Variants in CNNM2 observed in about 807,000 individuals in gnomAD.
CNNM2 encodes the protein metal transporter CNNM2.
Under a neutral mutation model 66.9 loss-of-function variants are expected in CNNM2, and 12 were observed. That is an observed-to-expected ratio of 0.18 (90% CI 0.11 to 0.29). CNNM2 has a LOEUF of 0.29. CNNM2 is among the 10% of genes least tolerant of loss of function. CNNM2 has a pLI of 1.00. For synonymous variants in CNNM2, 557 were observed against 501.8 expected, an observed-to-expected ratio of 1.11 and a Z score of -1.47; for missense variants, 705 against 1,167.7, an observed-to-expected ratio of 0.60 and a Z score of 5.77.
chr10:102,938,252 A>G (rs535606952), intron 1 of CNNM2, among the ~76,000 whole-genome samples: 7 of 151,218 alleles, frequency 4.6e-5, no homozygotes, highest in Non-Finnish European at 7.4e-5. Context: ...CCTGGCCAAC[A>G]TGGTGAAACC....
chr10:103,049,755 G>A lies in CNNM2; in HGVS notation c.1670G>A (p.Gly557Glu). 6.2e-7 allele frequency: 1 copy of A among 1,613,624 alleles called. No homozygotes were observed. The highest frequency in any genetic ancestry group is 8.5e-7 in the Non-Finnish European group (1 of 1,179,570). The change falls in exon 2 of 8, where the codon GGG becomes GAG. Residue 557 changes from glycine to glutamate, a missense_variant. Physicochemically the swap from Gly to Glu is moderately conservative, Grantham distance 98. Transcript: ENST00000369878. ...IVQRVNNEGE[G>E]DPFYEVLGIV... ...CAGCGGGTAAACAATGAGGGAGAAG[G>A]GGATCCATTTTATGAAGTTCTGGGA...
At chr10:102,948,921 G>A (rs113878430) in intron 1 of CNNM2, among the ~76,000 whole-genome samples, 59 of 152,162 alleles carry the variant, frequency 3.9e-4, no homozygotes, top group African/African-American at 1.3e-3. Flanking sequence ...TTCATAACCG[G>A]GGCCCGAAAA....
At chr10:103,024,382 A>T (rs1377642056) in intron 1 of CNNM2, among the ~76,000 whole-genome samples, 2 of 152,254 alleles carry the variant, frequency 1.3e-5, no homozygotes, top group East Asian at 3.8e-4. Flanking sequence ...GATTCAAGAC[A>T]TACCATTTCA....
At chr10:102,934,569 C>T (rs1438053764) in intron 1 of CNNM2, among the ~76,000 whole-genome samples, 1 of 152,074 alleles carries the variant, frequency 6.6e-6, no homozygotes, top group Non-Finnish European at 1.5e-5. Flanking sequence ...GCATGAGCCA[C>T]CGCGCCCAGC....
chr10:102,958,210 A>G (rs868241324), intron 1 of CNNM2, among the ~76,000 whole-genome samples: 8 of 152,164 alleles, frequency 5.3e-5, no homozygotes, highest in Middle Eastern at 3.2e-3. Context: ...TGCTGGGATT[A>G]CAGGTGTGAG....
At chr10:102,979,195 C>A (rs2063683178) in intron 1 of CNNM2, among the ~76,000 whole-genome samples, 1 of 152,092 alleles carries the variant, frequency 6.6e-6, no homozygotes, top group Admixed American at 6.6e-5. Context: ...CTTTGTATTA[C>A]CAAATAATTT....
chr10:102,945,145 T>C (rs1846569266), intron 1 of CNNM2, among the ~76,000 whole-genome samples: 1 of 152,156 alleles, frequency 6.6e-6, no homozygotes, highest in South Asian at 2.1e-4. Context: ...AAAGTATGAC[T>C]CTGCAAAGCC....
intron 2 of CNNM2, among the ~76,000 whole-genome samples, chr10:103,052,614 A>G (rs991832460): frequency 6.6e-6 from 1 of 151,544 alleles, no homozygotes; most frequent in African/African-American, 2.4e-5. Context: ...CCTGGGTTCA[A>G]GGGAGTCTCC....
At chr10:103,060,987 T>A (rs1339518335) in intron 4 of CNNM2, among the ~76,000 whole-genome samples, 2 of 152,094 alleles carry the variant, frequency 1.3e-5, no homozygotes, top group Non-Finnish European at 2.9e-5. Flanking sequence ...ACCATAGAGG[T>A]GGTCTGTCAG....
chr10:102,989,282 G>C (rs2063852734), intron 1 of CNNM2, among the ~76,000 whole-genome samples: 1 of 152,166 alleles, frequency 6.6e-6, no homozygotes, highest in East Asian at 1.9e-4. Context: ...GGACATTTTT[G>C]AGACTTAACT....
intron 1 of CNNM2, among the ~76,000 whole-genome samples, chr10:102,938,233 C>T (rs1367704121): frequency 6.7e-5 from 10 of 150,324 alleles, no homozygotes; most frequent in Non-Finnish European, 1.2e-4. Context: ...ATCAGGAGTT[C>T]GAGACCAGCC....
intron 1 of CNNM2, among the ~76,000 whole-genome samples, chr10:102,969,763 C>G (rs1475617912): frequency 6.6e-6 from 1 of 152,070 alleles, no homozygotes; most frequent in Non-Finnish European, 1.5e-5. Context: ...CCTGCCTCAG[C>G]CTCCCGAGTA....
chr10:102,919,806 C>T lies in CNNM2; in HGVS notation c.1326C>T (p.Arg442=), dbSNP rs928166628. The T allele has an allele frequency of 4.3e-6, 7 of 1,614,230 alleles. No homozygotes were observed. Among genetic ancestry groups the T allele is most frequent in the Non-Finnish European group, 5.9e-6 (7 of 1,180,046 alleles). The change falls in exon 1 of 8, where the codon CGC becomes CGT. Residue 442 remains arginine, a synonymous_variant. Coordinates refer to ENST00000369878, the MANE Select transcript of CNNM2 (RefSeq NM_017649.5). The part of the protein sequence containing the change: ...LNIIQGALEL[R]TKTVEDVMTP... The stretch of plus-strand genomic sequence containing the variant: ...TCATCCAAGGGGCGCTGGAGCTCCG[C>T]ACCAAGACGGTGGAGGACGTGATGA...
intron 1 of CNNM2, among the ~76,000 whole-genome samples, chr10:102,980,017 C>G (rs2063695141): frequency 6.6e-6 from 1 of 151,906 alleles, no homozygotes; most frequent in African/African-American, 2.4e-5. Flanking sequence ...GGGTTCAAGC[C>G]ATTCTCCTGC....
At chr10:103,055,496 G>A (rs1212119702) in intron 3 of CNNM2, among the ~76,000 whole-genome samples, 1 of 152,222 alleles carries the variant, frequency 6.6e-6, no homozygotes, top group Admixed American at 6.5e-5. Context: ...TTGTGTTTTT[G>A]TGTGTACACA....
At chr10:102,951,161 T>C (rs1429484342) in intron 1 of CNNM2, among the ~76,000 whole-genome samples, 1 of 151,908 alleles carries the variant, frequency 6.6e-6, no homozygotes, top group African/African-American at 2.4e-5. Context: ...CTAATTTTTG[T>C]ATTTTTTTAG....
At chr10:102,971,248 A>T (rs965811236) in intron 1 of CNNM2, among the ~76,000 whole-genome samples, 1 of 136,604 alleles carries the variant, frequency 7.3e-6, no homozygotes, top group African/African-American at 2.7e-5. Flanking sequence ...CCTCGTCCCT[A>T]AAAAAAAAAA....
chr10:103,038,884 A>C (rs1037157799), intron 1 of CNNM2, among the ~76,000 whole-genome samples: 8 of 152,166 alleles, frequency 5.3e-5, no homozygotes, highest in Admixed American at 6.5e-5. Context: ...TGTATTGTTT[A>C]TATAGGACTA....
At chr10:103,006,388 G>A (rs2064228786) in intron 1 of CNNM2, among the ~76,000 whole-genome samples, 1 of 151,626 alleles carries the variant, frequency 6.6e-6, no homozygotes. Flanking sequence ...TGTATTATTG[G>A]TAGAGACTGG....
Sources: gnomAD v4.1 joint callset for allele counts (sites outside exome capture counted in the v4.1 genomes callset) on GRCh38, gnomAD v4.1.1 for gene constraint, MANE v1.5 for transcripts, NCBI Gene and HGNC (gene_info 2026-07-23, HGNC 2026-07-21) for gene names.